The following HAUS7 variants were observed in gnomAD, a reference collection of about 807,000 sequenced individuals.
HAUS7 encodes the protein HAUS augmin-like complex subunit 7.
Under a neutral mutation model 28.4 loss-of-function variants are expected in HAUS7, and 3 were observed. The ratio of observed to expected loss-of-function variants is 0.11; its 90% CI spans 0.05 to 0.27. The LOEUF is 0.27. HAUS7 is among the 10% of genes least tolerant of loss of function. The pLI is 1.00. For synonymous variants in HAUS7, 165 were observed against 132.1 expected (o/e 1.25, Z -1.71); for missense variants, 284 against 297.3 (o/e 0.96, Z 0.33).
At chrX:153,470,882 G>A, upstream of HAUS7, 1 of 361,114 alleles carries the variant, frequency 2.8e-6, no homozygotes, top group Non-Finnish European at 5.3e-6. Context: ...ACCGGGAAGG[G>A]GCGGGGCGAA....
chrX:153,490,281 G>A (rs968011191), intron 1 of HAUS7, among the ~76,000 whole-genome samples: 4 of 113,072 alleles, frequency 3.5e-5, no homozygotes, highest in Non-Finnish European at 7.5e-5. Context: ...GAGCCCCCAC[G>A]CAGGCCCTGA....
chrX:153,465,875 G>C (rs1249039908), intron 2 of HAUS7, among the ~76,000 whole-genome samples: 2 of 112,126 alleles, frequency 1.8e-5, no homozygotes, highest in South Asian at 7.4e-4. Context: ...ACATCACTCC[G>C]GCCGCTGGGG....
At chrX:153,473,525 A>G (rs2089542836), upstream of HAUS7, among the ~76,000 whole-genome samples, 3 of 113,302 alleles carry the variant, frequency 2.6e-5, no homozygotes, top group South Asian at 3.6e-4. Context: ...AAAGTTCCTC[A>G]GTAAGGGTGG....
At chrX:153,472,900 G>A (rs781986708), upstream of HAUS7, among the ~76,000 whole-genome samples, 122 of 109,798 alleles carry the variant, frequency 1.1e-3, no homozygotes, top group African/African-American at 3.2e-3. Flanking sequence ...TGGATGTGGC[G>A]GGGAAGCTGG....
intron 1 of HAUS7, among the ~76,000 whole-genome samples, chrX:153,487,752 G>A (rs951811892): frequency 8.9e-6 from 1 of 112,702 alleles, no homozygotes; most frequent in African/African-American, 3.2e-5. Flanking sequence ...CTGCCTGAGC[G>A]AGGCCGGCCC....
rs2089186410 is a variant in HAUS7, at chrX:153,448,099, T to C, written c.1046-190A>G. 5.5e-5 allele frequency among the ~76,000 whole-genome samples: 6 copies of C among 109,953 alleles called. No homozygotes were observed. The South Asian group carries it at 2.3e-3, about 42-fold the overall frequency. ...CTATACAGACACATGCACACGTATG[T>C]TTATTGCAGCACTATTCACAATAGC... On this transcript the variant is annotated intron_variant, in intron 9 of 9. Transcript: ENST00000370211.
intron 1 of HAUS7, chrX:153,486,028 G>T: frequency 1.0e-6 from 1 of 975,445 alleles, no homozygotes. Context: ...ACCAGGTGCA[G>T]GCCATCCCAC....
intron 2 of HAUS7, among the ~76,000 whole-genome samples, chrX:153,468,580 T>C (rs950776386): frequency 1.8e-5 from 2 of 112,432 alleles, no homozygotes; most frequent in Admixed American, 1.9e-4. Context: ...CACCATGGGC[T>C]TCATAGGGTG....
chrX:153,465,955 G>A (rs782336308), intron 2 of HAUS7, among the ~76,000 whole-genome samples: 190 of 112,636 alleles, frequency 1.7e-3, no homozygotes, highest in African/African-American at 5.7e-3. Flanking sequence ...AGAAGGAGTC[G>A]CTTTCCACCA....
rs913417610 is a variant in HAUS7, at chrX:153,457,059, C to T, written c.446+78G>A. The T allele has an allele frequency of 1.0e-5, 7 of 684,341 alleles. No individual in the cohort carries two copies. The South Asian group carries it at 1.6e-4, about 16-fold the overall frequency. The allele number at this position is 684,341 out of a possible 1,213,427, so 56.4% of individuals were successfully genotyped here. The stretch of plus-strand genomic sequence containing the variant: ...GCCAGCATCAGAGGGGGAGTGACAC[C>T]CCAGCCCCTACCAGCTCCAGAACTA... On this transcript the variant is annotated intron_variant, in intron 5 of 9. Coordinates refer to ENST00000370211, the MANE Select transcript of HAUS7 (RefSeq NM_001385482.1).
In HAUS7 at chrX:153,479,372, C is replaced by G. The variant is rs915440819; in HGVS notation, c.-588-8227G>C. 70 of 753,305 alleles carry G rather than the reference C, an allele frequency of 9.3e-5. No homozygotes were observed. The African/African-American group carries it at 1.6e-3, about 17-fold the overall frequency. The allele number at this position is 753,305 out of a possible 1,213,427, so 62.1% of individuals were successfully genotyped here. A position where few individuals can be genotyped will look rare whatever the true frequency, so the allele number is the denominator to read the frequency against. ...ACCCTGCAGCTGCTGCCCAGCCCAC[C>G]AGGGGCCCCCGACGGTGAGTAGCTG... On this transcript the variant is annotated intron_variant, in intron 1 of 5. Transcript: ENST00000370210.
intron 4 of HAUS7, among the ~76,000 whole-genome samples, chrX:153,458,959 T>C (rs978337606): frequency 2.7e-5 from 3 of 111,750 alleles, no homozygotes; most frequent in Non-Finnish European, 5.6e-5. Flanking sequence ...GGTCTTACGA[T>C]GTTGTCTGGG....
At position 153,449,273 on chromosome X, in the gene HAUS7, C is replaced by T. The variant is rs151323046; in HGVS notation, c.1046-1364G>A. Among the ~76,000 whole-genome samples the T allele has an allele frequency of 4.5e-5, 5 of 112,327 alleles. No homozygotes were observed. In the East Asian group the frequency reaches 1.4e-3, roughly 32 times the overall value. On this transcript the variant is annotated intron_variant, in intron 9 of 9. Transcript: ENST00000370211. ...AACCCTGAATCTGTCATCCTCTGCC[C>T]ATCCCGAGGGTGACTCTGAAGCTCA...
intron 1 of HAUS7, chrX:153,483,500 G>A: frequency 5.3e-6 from 4 of 747,681 alleles, no homozygotes; most frequent in Non-Finnish European, 6.3e-6. Context: ...AGAGAGCAAG[G>A]ATGGCCCAGA....
At chrX:153,480,053 G>A (rs1556986977) in intron 1 of HAUS7, among the ~76,000 whole-genome samples, 3 of 111,880 alleles carry the variant, frequency 2.7e-5, no homozygotes, top group East Asian at 2.8e-4. Context: ...AGGTCGCAGC[G>A]ACCCCTTCAT....
chrX:153,482,617 C>T, intron 1 of HAUS7: 1 of 724,241 alleles, frequency 1.4e-6, no homozygotes, highest in Non-Finnish European at 1.6e-6. Context: ...AGACTGCCAG[C>T]CTGGGTAAGG....
intron 1 of HAUS7, among the ~76,000 whole-genome samples, chrX:153,480,336 C>G (rs1232335718): frequency 9.1e-6 from 1 of 110,066 alleles, no homozygotes; most frequent in East Asian, 2.9e-4. Flanking sequence ...ACCCACCCCC[C>G]TCCCCAGCAG....
At chrX:153,491,758 G>A (rs1305699912) in intron 1 of HAUS7, among the ~76,000 whole-genome samples, 1 of 112,989 alleles carries the variant, frequency 8.9e-6, no homozygotes, top group African/African-American at 3.2e-5. Flanking sequence ...TGAGCAGGCT[G>A]CCCAGGGCTG....
intron 1 of HAUS7, chrX:153,486,004 G>A (rs1556988459): frequency 1.0e-6 from 1 of 979,580 alleles, no homozygotes; most frequent in South Asian, 2.0e-5. Flanking sequence ...TGGCGGAGCT[G>A]CTCCTGGATC....
Sources: allele counts gnomAD v4.1 joint callset (sites outside exome capture counted in the v4.1 genomes callset), GRCh38; gene constraint gnomAD v4.1.1; transcripts MANE v1.5; gene names NCBI Gene and HGNC (gene_info 2026-07-23, HGNC 2026-07-21).